CHRNB3: variants seen among roughly 807,000 people sequenced by gnomAD.
CHRNB3 encodes the protein cholinergic receptor nicotinic beta 3 subunit.
In CHRNB3, 37 loss-of-function variants were observed where a neutral mutation model predicts 40.6. The ratio of observed to expected loss-of-function variants is 0.91; its 90% CI spans 0.70 to 1.20. CHRNB3 has a LOEUF of 1.20. Among genes scored for constraint, CHRNB3 ranks in the 50% most tolerant of loss-of-function variants. The pLI is 0.00. For synonymous variants in CHRNB3, 207 were observed against 207.1 expected (o/e 1.00, Z 0.00); for missense variants, 505 against 551.2 (o/e 0.92, Z 0.84).
chr8:42,720,688 C>G lies in CHRNB3; in HGVS notation c.250-9906C>G, dbSNP rs143859308. On this transcript the variant is annotated intron_variant, in intron 3 of 5. Transcript: ENST00000289957. ...CAGTGAGCCCCATAAACCACTATCTCTGTTTTATCTCTGGTCACAGCTGTT... is the reference window on the plus strand; with the variant it reads ...CAGTGAGCCCCATAAACCACTATCTGTGTTTTATCTCTGGTCACAGCTGTT... Among the ~76,000 whole-genome samples the G allele has an allele frequency of 3.1e-3, 471 of 152,272 alleles. 3 individuals carry two copies. Among genetic ancestry groups the G allele is most frequent in the African/African-American group, 9.5e-3 (396 of 41,530 alleles).
At chr8:42,735,311 G>T (rs1816504712) in intron 5 of CHRNB3, among the ~76,000 whole-genome samples, 1 of 152,162 alleles carries the variant, frequency 6.6e-6, no homozygotes. Flanking sequence ...GCCGAGGCGG[G>T]TGGATCACCT....
chr8:42,703,440 T>TA (rs1554589400), intron 1 of CHRNB3, among the ~76,000 whole-genome samples: 1 of 80,698 alleles, frequency 1.2e-5, no homozygotes, highest in Non-Finnish European at 2.9e-5. Context: ...AAAAAAATAT[T>TA]TATATATATA....
In CHRNB3 at chr8:42,737,230, A is replaced by C. The variant is rs1242899617; in HGVS notation, c.*612A>C. 6.6e-6 allele frequency: 1 copy of C among 152,358 alleles called. No individual in the cohort carries two copies. The highest frequency in any genetic ancestry group is 1.5e-5 in the Non-Finnish European group (1 of 68,196). 9.4% of individuals were successfully genotyped at this position (152,358 alleles called of 1,614,324 possible). On this transcript the variant is annotated 3_prime_UTR_variant, in exon 6 of 6. Transcript: ENST00000289957. ...TGGCCTACCGAAGCAGGTGTTATTC[A>C]TGGTTTATTCCCAGCATGATAAGGC... is the stretch of plus-strand genomic sequence containing the variant.
chr8:42,736,562 G>A lies in CHRNB3; in HGVS notation c.1321G>A (p.Gly441Ser), dbSNP rs771683869. Residue 441 changes from glycine to serine, a missense_variant, in exon 6 of 6, where the codon GGC (glycine) becomes AGC (serine). Transcript: ENST00000289957. ...GCTCTTTCTGATAGTGTCAGTAACA[G>A]GCTCGGTTCTGATTTTTACCCCTGC... ...LWLFLIVSVT[G>S]SVLIFTPALK... The A allele has an allele frequency of 1.2e-6, 2 of 1,614,024 alleles. No individual in the cohort carries two copies. The highest frequency in any genetic ancestry group is 1.7e-6 in the Non-Finnish European group (2 of 1,180,036).
rs199943134 is a variant in CHRNB3, at chr8:42,732,303, C to A, written c.996C>A (p.Ala332=). The change falls in exon 5 of 6, where the codon GCC becomes GCA. Residue 332 remains alanine, a synonymous_variant. Transcript: ENST00000289957. ...HRSSSTYHPM[A]PWVKRLFLQK... is the part of the protein sequence containing the mutation. ...CTTCTTCCACGTACCACCCCATGGC[C>A]CCCTGGGTTAAGAGGCTCTTTCTGC... 36 of 1,606,880 alleles carry A rather than the reference C, an allele frequency of 2.2e-5. No homozygotes were observed. Among genetic ancestry groups the A allele is most frequent in the Non-Finnish European group, 2.5e-5 (30 of 1,177,928 alleles).
intron 3 of CHRNB3, among the ~76,000 whole-genome samples, chr8:42,716,677 C>A (rs1448359855): frequency 6.6e-6 from 1 of 152,006 alleles, no homozygotes; most frequent in Non-Finnish European, 1.5e-5. Context: ...ATTGCCATGG[C>A]GATGGTAAAC....
At chr8:42,712,032 A>T (rs1209860750) in intron 3 of CHRNB3, among the ~76,000 whole-genome samples, 7 of 151,248 alleles carry the variant, frequency 4.6e-5, no homozygotes, top group Admixed American at 4.6e-4. Flanking sequence ...TCACTCTGTC[A>T]CCCAGGCTGG....
At chr8:42,722,300 G>A (rs1164880392) in intron 3 of CHRNB3, among the ~76,000 whole-genome samples, 1 of 152,016 alleles carries the variant, frequency 6.6e-6, no homozygotes, top group Non-Finnish European at 1.5e-5. Flanking sequence ...AGGAAGCGGA[G>A]GTTGCAGTGA....
chr8:42,733,492 A>G (rs1816463555), intron 5 of CHRNB3, among the ~76,000 whole-genome samples: 1 of 151,982 alleles, frequency 6.6e-6, no homozygotes, highest in Non-Finnish European at 1.5e-5. Context: ...TAAAATACAA[A>G]CATGCACAGT....
At chr8:42,725,089 C>CTTT (rs572194650) in intron 3 of CHRNB3, among the ~76,000 whole-genome samples, 1 of 136,476 alleles carries the variant, frequency 7.3e-6, no homozygotes, top group Non-Finnish European at 1.6e-5. Context: ...TTCTTTCTTT[C>CTTT]TTTTTTTTTT....
intron 3 of CHRNB3, 144 bp from the exon 4 acceptor site, chr8:42,730,450 C>G (rs1394664197): frequency 1.3e-5 from 7 of 524,106 alleles, no homozygotes; most frequent in Non-Finnish European, 2.3e-5. Flanking sequence ...TACTGAGTCC[C>G]CAGTAGGGTC....
At chr8:42,725,052 T>C (rs886265851) in intron 3 of CHRNB3, among the ~76,000 whole-genome samples, 7 of 151,706 alleles carry the variant, frequency 4.6e-5, no homozygotes. Context: ...GTGCTTGCCA[T>C]GAACATAAGC....
At chr8:42,725,763 T>C in intron 3 of CHRNB3, 1 of 919,574 alleles carries the variant, frequency 1.1e-6, no homozygotes, top group East Asian at 2.4e-5. Flanking sequence ...CCTTGACTTG[T>C]CCACGTTTCA....
At chr8:42,734,972 G>A (rs1341622320) in intron 5 of CHRNB3, among the ~76,000 whole-genome samples, 1 of 152,028 alleles carries the variant, frequency 6.6e-6, no homozygotes, top group Non-Finnish European at 1.5e-5. Flanking sequence ...TGTAATCCCA[G>A]CACTTTGGGA....
At position 42,732,506 on chromosome 8, in the gene CHRNB3, G is replaced by C; in HGVS notation, c.1199G>C (p.Arg400Thr). The C allele has an allele frequency of 6.2e-7, 1 of 1,608,154 alleles. No individual in the cohort carries two copies. Among genetic ancestry groups the C allele is most frequent in the Non-Finnish European group, 8.5e-7 (1 of 1,178,564 alleles). Residue 400 changes from arginine (R) to threonine (T), a missense_variant, in exon 5 of 6, where the codon AGA becomes ACA. Coordinates refer to ENST00000289957, the MANE Select transcript of CHRNB3 (RefSeq NM_000749.5). Reference protein sequence around the residue: ...AFLEKAADSIRYISRHVKKEH... With the variant: ...AFLEKAADSITYISRHVKKEH... ...TTGGAAAAAGCTGCTGATTCCATTA[G>C]ATACATTTCGAGACATGTGAAGAAA...
chr8:42,734,059 C>G (rs1192298147), intron 5 of CHRNB3, among the ~76,000 whole-genome samples: 1 of 150,670 alleles, frequency 6.6e-6, no homozygotes, highest in South Asian at 2.1e-4. Context: ...AGATCAAGAC[C>G]ATCCTGGCCA....
At chr8:42,726,359 C>A in intron 3 of CHRNB3, 3 of 483,190 alleles carry the variant, frequency 6.2e-6, no homozygotes, top group Non-Finnish European at 1.1e-5. Flanking sequence ...AGAAAATCTA[C>A]AGAAAAGATC....
intron 5 of CHRNB3, 102 bp downstream of exon 5, chr8:42,732,651 AC>A (rs1221675672): frequency 2.6e-6 from 3 of 1,152,500 alleles, no homozygotes; most frequent in Non-Finnish European, 3.6e-6. Flanking sequence ...TTTAAATGTG[AC>A]GTTATATAAG....
chr8:42,732,524 T>C lies in CHRNB3; in HGVS notation c.1217T>C (p.Val406Ala), dbSNP rs912753750. The change falls in exon 5 of 6, where the codon GTG becomes GCG. Residue 406 changes from valine (V) to alanine (A), a missense_variant. Val to Ala is a moderately conservative substitution (Grantham distance 64, BLOSUM62 0). Coordinates refer to ENST00000289957, the MANE Select transcript of CHRNB3 (RefSeq NM_000749.5). ...TCCATTAGATACATTTCGAGACATG[T>C]GAAGAAAGAACATTTTATCAGCCAG... Reference protein sequence around the residue: ...ADSIRYISRHVKKEHFISQVV... With the variant: ...ADSIRYISRHAKKEHFISQVV... The C allele has an allele frequency of 1.3e-6, 2 of 1,599,418 alleles. No individual in the cohort carries two copies. Among genetic ancestry groups the C allele is most frequent in the African/African-American group, 1.3e-5 (1 of 74,098 alleles).
Sources: gnomAD v4.1 joint callset for allele counts (sites outside exome capture counted in the v4.1 genomes callset) on GRCh38, gnomAD v4.1.1 for gene constraint, MANE v1.5 for transcripts, NCBI Gene and HGNC (gene_info 2026-07-23, HGNC 2026-07-21) for gene names.